SYDE1: variants seen among roughly 807,000 people sequenced by gnomAD.
SYDE1 encodes synapse defective Rho GTPase activating protein 1.
A neutral mutation model predicts 63.3 loss-of-function variants in SYDE1; 34 were observed. The ratio of observed to expected loss-of-function variants is 0.54; its 90% CI spans 0.41 to 0.71. SYDE1 has a LOEUF of 0.71. Ranked by LOEUF, SYDE1 falls within the 30% of genes least tolerant of loss-of-function variation. The probability of loss-of-function intolerance (pLI) is 0.00; values close to 1 mark genes in which losing one functional copy is unlikely to be tolerated. For missense variants in SYDE1, 925 were observed against 1,042.5 expected, an observed-to-expected ratio of 0.89 and a Z score of 1.55; for synonymous variants, 467 against 473.4, an observed-to-expected ratio of 0.99 and a Z score of 0.18.
In SYDE1 at chr19:15,109,499, C is replaced by T; in HGVS notation, c.430+102C>T. 1 of 1,310,426 alleles carries T rather than the reference C, an allele frequency of 7.6e-7. No homozygotes were observed. The allele number at this position is 1,310,426 out of a possible 1,614,324, so 81.2% of individuals were successfully genotyped here. On this transcript the variant is annotated intron_variant, in intron 2 of 7. Coordinates refer to ENST00000342784, the MANE Select transcript of SYDE1 (RefSeq NM_033025.6). The surrounding 1 kb of genome is among the most constrained non-coding windows in gnomAD (Gnocchi z 5.0). Reference sequence around the variant, plus strand: ...CTCACACTCCCTCCTCCCAGAGGAGCACCAACCTCACACTCCTTCCCTTCA... The same window carrying T: ...CTCACACTCCCTCCTCCCAGAGGAGTACCAACCTCACACTCCTTCCCTTCA...
rs1376698137 is a variant in SYDE1 at position 15,112,427 on chromosome 19, G to T, written c.1660G>T (p.Ala554Ser). Residue 554 changes from alanine to serine, a missense_variant, in exon 7 of 8, where the codon GCC (alanine) becomes TCC (serine). Coordinates refer to ENST00000342784, the MANE Select transcript of SYDE1 (RefSeq NM_033025.6). ...CAACCGCATGACCCCACAGAACTTG[G>T]CCGTGTGCTTCGGGCCTGTGCTGCT... ...AYNRMTPQNL[A>S]VCFGPVLLPA... The T allele has an allele frequency of 6.2e-7, 1 of 1,601,528 alleles. No homozygotes were observed. The highest frequency in any genetic ancestry group is 1.1e-5 in the South Asian group (1 of 88,776).
intron 1 of SYDE1, among the ~76,000 whole-genome samples, chr19:15,107,976 C>T (rs1323291120): frequency 6.6e-6 from 1 of 152,138 alleles, no homozygotes; most frequent in Non-Finnish European, 1.5e-5. Flanking sequence ...GTAGCTGCCC[C>T]CTCCGCCTCC....
At position 15,112,502 on chromosome 19, in the gene SYDE1, G is replaced by T; in HGVS notation, c.1735G>T (p.Gly579Cys). ...GCCTCGTGCCCGCAGCTCCGGCCCA[G>T]GCCTTGCCAGTGCAGTGGACTTCAA... ...TRPRARSSGP[G>C]LASAVDFKHH... The change falls in exon 7 of 8, where the codon GGC becomes TGC. Residue 579 changes from glycine to cysteine, a missense_variant. Gly to Cys is a radical substitution (Grantham distance 159). Transcript: ENST00000342784. The T allele has an allele frequency of 6.2e-7, 1 of 1,606,922 alleles. No individual in the cohort carries two copies.
In SYDE1 at chr19:15,114,528, C is replaced by G. The variant is rs1416608186; in HGVS notation, c.*565C>G. On this transcript the variant is annotated 3_prime_UTR_variant, in exon 8 of 8. Transcript: ENST00000342784. ...CTTATAGAGAAACAGCTGGTTTCCC[C>G]TACCCTTTTCCGGGGAAGTCCCCAC... 1.9e-5 allele frequency: 3 copies of G among 157,130 alleles called. No individual in the cohort carries two copies. The highest frequency in any genetic ancestry group is 6.2e-5 in the Admixed American group (1 of 16,242). The allele number at this position is 157,130 out of a possible 1,614,324, so 9.7% of individuals were successfully genotyped here. A position where few individuals can be genotyped will look rare whatever the true frequency, so the allele number is the denominator to read the frequency against.
At chr19:15,113,394 C>A (rs1183145498) in intron 7 of SYDE1, among the ~76,000 whole-genome samples, 166 bp from the exon 8 acceptor site, 1 of 152,218 alleles carries the variant, frequency 6.6e-6, no homozygotes, top group Non-Finnish European at 1.5e-5. Flanking sequence ...TCTTGACATG[C>A]CAATCAGAGG....
At position 15,113,537 on chromosome 19, in the gene SYDE1, T is replaced by A. The variant is rs369423970; in HGVS notation, c.1805-23T>A. ...AGAGGTCGGCTGTCGCCTCTTTCTA[T>A]GACCTACCCTGTCTCCCTTCAGATC... is the stretch of plus-strand genomic sequence containing the variant. On this transcript the variant is annotated intron_variant, in intron 7 of 7. Coordinates refer to ENST00000342784, the MANE Select transcript of SYDE1 (RefSeq NM_033025.6). 1.5e-5 allele frequency: 23 copies of A among 1,514,950 alleles called. No homozygotes were observed. In the African/African-American group the frequency reaches 3.1e-4, roughly 20 times the overall value. 93.8% of individuals were successfully genotyped at this position (1,514,950 alleles called of 1,614,324 possible). A position where few individuals can be genotyped will look rare whatever the true frequency, so the allele number is the denominator to read the frequency against.
At position 15,113,421 on chromosome 19, in the gene SYDE1, A is replaced by T. The variant is rs561734262; in HGVS notation, c.1805-139A>T. On this transcript the variant is annotated intron_variant, in intron 7 of 7. Coordinates refer to ENST00000342784, the MANE Select transcript of SYDE1 (RefSeq NM_033025.6). ...AATCAGAGGCCTAGTTGCGTAAGCA[A>T]CCAGTCCTAGCTCTGCCAGTGAAAA... 10 of 1,009,800 alleles carry T rather than the reference A, an allele frequency of 9.9e-6. No homozygotes were observed. The Admixed American group carries it at 2.5e-4, about 26-fold the overall frequency. 62.6% of individuals were successfully genotyped at this position (1,009,800 alleles called of 1,614,324 possible). A position where few individuals can be genotyped will look rare whatever the true frequency, so the allele number is the denominator to read the frequency against.
Position 15,110,960 on chromosome 19 carries a change from A to G in SYDE1, c.1290+225A>G, listed in dbSNP as rs1017424706. Among the ~76,000 whole-genome samples, 1 of 152,198 alleles carries G rather than the reference A, an allele frequency of 6.6e-6. No individual in the cohort carries two copies. Among genetic ancestry groups the G allele is most frequent in the Non-Finnish European group, 1.5e-5 (1 of 68,026 alleles). ...CAGGATCCAAGCCCTCCTGGGGCTC[A>G]GAGTCTGATGGGGGAAAAGATACGA... On this transcript the variant is annotated intron_variant, in intron 4 of 7. Transcript: ENST00000342784. This position sits in a 1 kb window ranked among gnomAD's most constrained non-coding sequence, Gnocchi z 6.9.
rs1254716877 is a variant in SYDE1 at position 15,110,029 on chromosome 19, G to A, written c.756G>A (p.Glu252=). ...PPSPTSFRPY[E]VGPAARAPPA... is the part of the protein sequence containing the mutation. Reference sequence around the variant, plus strand: ...CACCCACCTCCTTCCGGCCCTACGAGGTGGGTCCCGCAGCCCGGGCACCCC... The same window carrying A: ...CACCCACCTCCTTCCGGCCCTACGAAGTGGGTCCCGCAGCCCGGGCACCCC... Residue 252 remains glutamate, a synonymous_variant, in exon 3 of 8, where the codon GAG becomes GAA. Coordinates refer to ENST00000342784, the MANE Select transcript of SYDE1 (RefSeq NM_033025.6). This position sits in a 1 kb window ranked among gnomAD's most constrained non-coding sequence, Gnocchi z 6.9. The A allele has an allele frequency of 6.6e-7, 1 of 1,505,154 alleles. No individual in the cohort carries two copies. The highest frequency in any genetic ancestry group is 2.1e-5 in the Admixed American group (1 of 47,168). 93.2% of individuals were successfully genotyped at this position (1,505,154 alleles called of 1,614,324 possible).
At position 15,110,445 on chromosome 19, in the gene SYDE1, G is replaced by A. The variant is rs1240174515; in HGVS notation, c.1076-76G>A. ...TAGGGGGCTGGGCTCCGGGCGGAAG[G>A]TGTGGCCTGGAGCAGCGAGGCCAGG... is the stretch of plus-strand genomic sequence containing the variant. On this transcript the variant is annotated intron_variant, in intron 3 of 7. Coordinates refer to ENST00000342784, the MANE Select transcript of SYDE1 (RefSeq NM_033025.6). The surrounding 1 kb of genome is among the most constrained non-coding windows in gnomAD (Gnocchi z 6.9). 2 of 1,495,300 alleles carry A rather than the reference G, an allele frequency of 1.3e-6. No individual in the cohort carries two copies. Among genetic ancestry groups the A allele is most frequent in the Non-Finnish European group, 1.8e-6 (2 of 1,116,990 alleles). 92.6% of individuals were successfully genotyped at this position (1,495,300 alleles called of 1,614,324 possible). A position where few individuals can be genotyped will look rare whatever the true frequency, so the allele number is the denominator to read the frequency against.
Position 15,110,404 on chromosome 19 carries a change from C to T in SYDE1, c.1075+56C>T, listed in dbSNP as rs561537429. ...CAGGGACCCCCAAACCCCACCGCCACCCCCCGCAGAGTGCCTAGGGGGCTG... is the reference window on the plus strand; with the variant it reads ...CAGGGACCCCCAAACCCCACCGCCATCCCCCGCAGAGTGCCTAGGGGGCTG... On this transcript the variant is annotated intron_variant, in intron 3 of 7. Transcript: ENST00000342784. This position sits in a 1 kb window ranked among gnomAD's most constrained non-coding sequence, Gnocchi z 6.9. 5.5e-5 allele frequency: 79 copies of T among 1,447,126 alleles called. No individual in the cohort carries two copies. The South Asian group carries it at 1.0e-3, about 19-fold the overall frequency. The allele number at this position is 1,447,126 out of a possible 1,614,324, so 89.6% of individuals were successfully genotyped here. A position where few individuals can be genotyped will look rare whatever the true frequency, so the allele number is the denominator to read the frequency against.
chr19:15,110,776 T>C lies in SYDE1; in HGVS notation c.1290+41T>C, dbSNP rs2046341539. On this transcript the variant is annotated intron_variant, in intron 4 of 7. Transcript: ENST00000342784. This position sits in a 1 kb window ranked among gnomAD's most constrained non-coding sequence, Gnocchi z 6.9. ...ACCCCAACCCTCTGGCCCCCAGACC[T>C]CAGACCACTCTTCAGGACACCCTAT... 1 of 1,461,844 alleles carries C rather than the reference T, an allele frequency of 6.8e-7. No individual in the cohort carries two copies. Among genetic ancestry groups the C allele is most frequent in the Non-Finnish European group, 9.2e-7 (1 of 1,091,948 alleles). 90.6% of individuals were successfully genotyped at this position (1,461,844 alleles called of 1,614,324 possible). A position where few individuals can be genotyped will look rare whatever the true frequency, so the allele number is the denominator to read the frequency against.
chr19:15,112,395 A>T lies in SYDE1; in HGVS notation c.1628A>T (p.His543Leu). 6.3e-7 allele frequency: 1 copy of T among 1,596,532 alleles called. No homozygotes were observed. Residue 543 changes from histidine to leucine, a missense_variant, in exon 7 of 8, where the codon CAT becomes CTT. This residue lies in a region of SYDE1 where 71 missense variants were observed against 132.8 expected (regional missense o/e 0.53). Transcript: ENST00000342784. ...LDHLRLVSSF[H>L]AYNRMTPQNL... Reference sequence around the variant, plus strand: ...CACCTGCGCCTCGTCTCCTCCTTCCATGCCTACAACCGCATGACCCCACAG... The same window carrying T: ...CACCTGCGCCTCGTCTCCTCCTTCCTTGCCTACAACCGCATGACCCCACAG...
intron 7 of SYDE1, 31 bp from the exon 8 acceptor site, chr19:15,113,529 T>C: frequency 1.3e-6 from 2 of 1,508,344 alleles, no homozygotes. Context: ...GGCTGTCGCC[T>C]CTTTCTATGA....
Position 15,108,384 on chromosome 19 carries a change from A to T in SYDE1, c.89-672A>T, listed in dbSNP as rs1162513897. On this transcript the variant is annotated intron_variant, in intron 1 of 7. Transcript: ENST00000342784. The surrounding 1 kb of genome is among the most constrained non-coding windows in gnomAD (Gnocchi z 4.3). The stretch of plus-strand genomic sequence containing the variant: ...ACACACACAGGAAACAGCCCAGGAC[A>T]TGAGACAGGAGAGGAGGGAGGGAAG... Among the ~76,000 whole-genome samples the T allele has an allele frequency of 6.6e-6, 1 of 152,162 alleles. No individual in the cohort carries two copies. The highest frequency in any genetic ancestry group is 2.4e-5 in the African/African-American group (1 of 41,436).
Position 15,111,472 on chromosome 19 carries a change from C to A in SYDE1, c.1417+33C>A, listed in dbSNP as rs201819025. 1.5e-4 allele frequency: 236 copies of A among 1,610,782 alleles called. No individual in the cohort carries two copies. The highest frequency in any genetic ancestry group is 1.9e-4 in the Non-Finnish European group (219 of 1,177,730). On this transcript the variant is annotated intron_variant, in intron 5 of 7. Transcript: ENST00000342784. The surrounding 1 kb of genome is among the most constrained non-coding windows in gnomAD (Gnocchi z 5.5). ...TGGCCCCCTCTCCCCTGCCTGCTCA[C>A]CCCCATTCAATGCCTCACTTCAAGG...
Position 15,113,736 on chromosome 19 carries a change from G to A in SYDE1, c.1981G>A (p.Asp661Asn). ...YAGDWSVCGR[D>N]FLPCGRDFLS... ...CGGCGACTGGAGCGTTTGCGGGCGG[G>A]ACTTCCTGCCCTGTGGGCGGGATTT... Residue 661 changes from aspartate to asparagine, a missense_variant, in exon 8 of 8, where the codon GAC (aspartate) becomes AAC (asparagine). Physicochemically the swap from Asp to Asn is conservative, Grantham distance 23. Around this residue, in one of 3 missense-constraint regions of SYDE1, gnomAD observed 255 missense variants for 255.9 expected, o/e 1.00. Transcript: ENST00000342784. 6.2e-7 allele frequency: 1 copy of A among 1,613,688 alleles called. No individual in the cohort carries two copies. Among genetic ancestry groups the A allele is most frequent in the Non-Finnish European group, 8.5e-7 (1 of 1,179,778 alleles).
In SYDE1 at chr19:15,114,848, C is replaced by T; in HGVS notation, c.*885C>T. On this transcript the variant is annotated 3_prime_UTR_variant, in exon 8 of 8. Coordinates refer to ENST00000342784, the MANE Select transcript of SYDE1 (RefSeq NM_033025.6). The stretch of plus-strand genomic sequence containing the variant: ...GGAGCAGTTTGCAGTGCCCAGCCAC[C>T]CTGAAATCCCCAATAATGGTGCCTC... The T allele has an allele frequency of 3.2e-6, 1 of 308,770 alleles. No homozygotes were observed. Among genetic ancestry groups the T allele is most frequent in the Non-Finnish European group, 6.3e-6 (1 of 158,766 alleles). 19.1% of individuals were successfully genotyped at this position (308,770 alleles called of 1,614,324 possible).
Position 15,114,062 on chromosome 19 carries a change from C to G in SYDE1, c.*99C>G. ...AGGAGAGCCAGACCTGTTGCTCAGGCCGAGCTCCTGGTTGCCAGCGAGTTA... is the reference window on the plus strand; with the variant it reads ...AGGAGAGCCAGACCTGTTGCTCAGGGCGAGCTCCTGGTTGCCAGCGAGTTA... On this transcript the variant is annotated 3_prime_UTR_variant, in exon 8 of 8. Coordinates refer to ENST00000342784, the MANE Select transcript of SYDE1 (RefSeq NM_033025.6). 5 of 1,280,984 alleles carry G rather than the reference C, an allele frequency of 3.9e-6. No individual in the cohort carries two copies. The highest frequency in any genetic ancestry group is 5.4e-6 in the Non-Finnish European group (5 of 927,286). 79.4% of individuals were successfully genotyped at this position (1,280,984 alleles called of 1,614,324 possible). A position where few individuals can be genotyped will look rare whatever the true frequency, so the allele number is the denominator to read the frequency against.
Sources: gnomAD v4.1 joint callset for allele counts (sites outside exome capture counted in the v4.1 genomes callset) on GRCh38, gnomAD v4.1.1 for gene constraint, gnomAD v4.1.1 regional missense constraint, Gnocchi (gnomAD v3.1) non-coding constraint, MANE v1.5 for transcripts, NCBI Gene and HGNC (gene_info 2026-07-23, HGNC 2026-07-21) for gene names.